Variants in DST observed in about 807,000 individuals in gnomAD.
The protein encoded by DST is dystonin.
A neutral mutation model predicts 875.2 loss-of-function variants in DST; 253 were observed. The ratio of observed to expected loss-of-function variants is 0.29; its 90% CI spans 0.26 to 0.32. The LOEUF (loss-of-function observed/expected upper bound fraction) is 0.32. DST is among the 10% of genes least tolerant of loss of function. The pLI is 1.00. For missense variants in DST, 8,287 were observed against 9,111.6 expected (o/e 0.91, Z 3.68); for synonymous variants, 3,124 against 3,197.1 (o/e 0.98, Z 0.77).
chr6:56,937,994 AACAGAGATTGACTGC>A (rs1252567640), intron 2 of DST, among the ~76,000 whole-genome samples: 1 of 152,088 alleles, frequency 6.6e-6, no homozygotes, highest in African/African-American at 2.4e-5. Context: ...TAGGGATTGG[AACAGAGATTGACTGC>A]AAACAGGCAT....
intron 72 of DST, among the ~76,000 whole-genome samples, chr6:56,514,571 A>C (rs1170133686): frequency 7.7e-6 from 1 of 130,378 alleles, no homozygotes; most frequent in Non-Finnish European, 1.6e-5. Flanking sequence ...TCTTGGGCAC[A>C]GGCGTATACA....
intron 4 of DST, among the ~76,000 whole-genome samples, chr6:56,824,147 T>A (rs978524906): frequency 1.3e-4 from 19 of 151,716 alleles, no homozygotes; most frequent in African/African-American, 4.1e-4. Flanking sequence ...TGCCTGCGAT[T>A]GCAGGCGCGC....
intron 2 of DST, among the ~76,000 whole-genome samples, chr6:56,903,308 A>G (rs1794962629): frequency 6.6e-6 from 1 of 152,172 alleles, no homozygotes; most frequent in African/African-American, 2.4e-5. Flanking sequence ...ACTGCATAAA[A>G]CTTCGCTAAA....
chr6:56,508,614 A>C lies in DST; in HGVS notation c.19154T>G (p.Ile6385Ser), dbSNP rs761584228. 1.9e-6 allele frequency: 3 copies of C among 1,613,862 alleles called. No individual in the cohort carries two copies. The highest frequency in any genetic ancestry group is 1.1e-5 in the South Asian group (1 of 91,070). Residue 6385 changes from isoleucine to serine, a missense_variant, in exon 75 of 104, where the codon ATT becomes AGT. By Grantham distance (142) the Ile-to-Ser change is moderately radical. Coordinates refer to ENST00000680361, the MANE Select transcript of DST (RefSeq NM_001374736.1). Reference protein sequence around the residue: ...WCDHMSLIVTIKDTQDFIRDL... With the variant: ...WCDHMSLIVTSKDTQDFIRDL... The stretch of plus-strand genomic sequence containing the variant: ...CCGGATGAAATCTTGAGTATCTTTA[A>C]TGGTAACTATCAATGACATGTGATC...
At chr6:56,496,799 T>C (rs554394332) in intron 82 of DST, among the ~76,000 whole-genome samples, 1 of 151,968 alleles carries the variant, frequency 6.6e-6, no homozygotes, top group Non-Finnish European at 1.5e-5. Context: ...ATTAAGAAAA[T>C]GTGGCACATA....
chr6:56,552,752 T>G lies in DST; in HGVS notation c.16040A>C (p.Lys5347Thr). ...TTGTAATAAAACATCAGAGGTTCCC[T>G]TTGAGTCTGAGGCCTCTACCACAAG... is the stretch of plus-strand genomic sequence containing the variant. ...QDLVVEASDS[K>T]GTSDVLLQVE... The change falls in exon 61 of 104, where the codon AAG becomes ACG. Residue 5347 changes from lysine to threonine, a missense_variant. Physicochemically the swap from Lys to Thr is moderately conservative, Grantham distance 78 (BLOSUM62 -1). This residue lies in a region of DST where 1,513 missense variants were observed against 1,677.8 expected (regional missense o/e 0.90). Coordinates refer to ENST00000680361, the MANE Select transcript of DST (RefSeq NM_001374736.1). The G allele has an allele frequency of 6.2e-7, 1 of 1,610,478 alleles. No individual in the cohort carries two copies. Among genetic ancestry groups the G allele is most frequent in the Non-Finnish European group, 8.5e-7 (1 of 1,179,844 alleles).
At chr6:56,937,378 A>G (rs1247399806) in intron 2 of DST, among the ~76,000 whole-genome samples, 1 of 152,224 alleles carries the variant, frequency 6.6e-6, no homozygotes, top group Non-Finnish European at 1.5e-5. Context: ...TTCACCAGAG[A>G]AGATATATGA....
chr6:56,947,502 C>A (rs573417968), intron 2 of DST, among the ~76,000 whole-genome samples: 9 of 152,314 alleles, frequency 5.9e-5, no homozygotes, highest in African/African-American at 2.2e-4. Flanking sequence ...CCCACCTCAG[C>A]CTCCCAAAGT....
chr6:56,847,054 C>A (rs1485506627), intron 4 of DST, among the ~76,000 whole-genome samples: 1 of 149,444 alleles, frequency 6.7e-6, no homozygotes, highest in Non-Finnish European at 1.5e-5. Context: ...CTGTGGCTCA[C>A]TCCTATAATC....
chr6:56,792,341 A>G (rs2153007324), intron 4 of DST, among the ~76,000 whole-genome samples: 1 of 152,322 alleles, frequency 6.6e-6, no homozygotes. Flanking sequence ...CTATTAGGTA[A>G]AAGGTTTTGG....
Position 56,560,308 on chromosome 6 carries a change from A to G in DST, c.14426T>C (p.Met4809Thr), listed in dbSNP as rs1175798562. Reference protein sequence around the residue: ...DTPEAPRWKQMLTEIDSKWQE... With the variant: ...DTPEAPRWKQTLTEIDSKWQE... ...ACGCAACATACCTATTTCTGTCAAC[A>G]TCTGTTTCCATCTGGGGGCCTCAGG... is the stretch of plus-strand genomic sequence containing the variant. Residue 4809 changes from methionine to threonine, a missense_variant, in exon 58 of 104, where the codon ATG becomes ACG. Met to Thr is a moderately conservative substitution (Grantham distance 81). Around this residue, in one of 10 missense-constraint regions of DST, gnomAD observed 1,513 missense variants for 1,677.8 expected, o/e 0.90. Transcript: ENST00000680361. 2 of 1,609,440 alleles carry G rather than the reference A, an allele frequency of 1.2e-6. No homozygotes were observed. The highest frequency in any genetic ancestry group is 8.5e-7 in the Non-Finnish European group (1 of 1,177,686).
intron 58 of DST, among the ~76,000 whole-genome samples, chr6:56,558,644 A>G (rs2097473175): frequency 6.6e-6 from 1 of 152,122 alleles, no homozygotes; most frequent in African/African-American, 2.4e-5. Context: ...TGTCACTTTT[A>G]AAACTGTCAC....
At position 56,471,172 on chromosome 6, in the gene DST, T is replaced by A; in HGVS notation, c.22255A>T (p.Arg7419Ter). Reference protein sequence around the residue: ...KKSRVMDFFRRIDKDQDGKIT... With the variant: ...KKSRVMDFFR Reference sequence around the variant, plus strand: ...TTCCCATCCTGGTCTTTATCAATTCTCCTGAAGAAGTCCATCACTCGAGAT... The same window carrying A: ...TTCCCATCCTGGTCTTTATCAATTCACCTGAAGAAGTCCATCACTCGAGAT... The change falls in exon 95 of 104, where the codon AGA becomes TGA. Residue 7419 changes from arginine (R) to a stop codon, truncating the protein, a stop_gained. Transcript: ENST00000680361. LOFTEE classifies it high-confidence loss of function. The A allele has an allele frequency of 6.2e-7, 1 of 1,609,602 alleles. No individual in the cohort carries two copies. Among genetic ancestry groups the A allele is most frequent in the Admixed American group, 1.7e-5 (1 of 59,454 alleles).
intron 49 of DST, among the ~76,000 whole-genome samples, chr6:56,580,374 T>C (rs1015922505): frequency 4.6e-5 from 7 of 151,868 alleles, no homozygotes; most frequent in African/African-American, 1.5e-4. Context: ...AAGTGAGACC[T>C]TGTCTTTACA....
intron 2 of DST, among the ~76,000 whole-genome samples, chr6:56,937,080 A>G (rs1434958939): frequency 6.6e-6 from 1 of 152,178 alleles, no homozygotes; most frequent in Non-Finnish European, 1.5e-5. Context: ...CCTTGAAAAA[A>G]AAGCAGCAGG....
chr6:56,892,195 CCTAA>C (rs1450825078), intron 3 of DST, among the ~76,000 whole-genome samples: 5 of 152,052 alleles, frequency 3.3e-5, no homozygotes, highest in Non-Finnish European at 5.9e-5. Flanking sequence ...TATGTTGGCC[CCTAA>C]CTATTTTTTC....
intron 4 of DST, among the ~76,000 whole-genome samples, chr6:56,744,093 G>A (rs1278752104): frequency 6.6e-6 from 1 of 150,522 alleles, no homozygotes. Context: ...AGTTTGCAGC[G>A]AGCCGAGATC....
intron 3 of DST, among the ~76,000 whole-genome samples, chr6:56,856,112 C>T (rs1591736217): frequency 6.6e-6 from 1 of 152,174 alleles, no homozygotes; most frequent in Non-Finnish European, 1.5e-5. Flanking sequence ...CCCATTCATT[C>T]GCATGGTATA....
intron 5 of DST, among the ~76,000 whole-genome samples, chr6:56,717,813 C>A (rs1260349418): frequency 2.0e-5 from 3 of 152,306 alleles, no homozygotes; most frequent in Middle Eastern, 3.4e-3. Context: ...CTCTCTTCCC[C>A]CAAGCTATCC....
Sources: allele counts gnomAD v4.1 joint callset (sites outside exome capture counted in the v4.1 genomes callset), GRCh38; gene constraint gnomAD v4.1.1; regional missense constraint gnomAD v4.1.1; transcripts MANE v1.5; gene names NCBI Gene and HGNC (gene_info 2026-07-23, HGNC 2026-07-21).